DNAH8: variants seen among roughly 807,000 people sequenced by gnomAD.
DNAH8 encodes dynein axonemal heavy chain 8, also known as axonemal beta dynein heavy chain 8.
A neutral mutation model predicts 562.1 loss-of-function variants in DNAH8; 382 were observed. The observed-to-expected ratio is 0.68, with a 90% CI of 0.63 to 0.74. The LOEUF is 0.74. Among genes scored for constraint, DNAH8 ranks in the 30% least tolerant of loss-of-function variants. The pLI is 0.00. For missense variants in DNAH8, 5,203 were observed against 5,620.4 expected, an observed-to-expected ratio of 0.93 and a Z score of 2.37; for synonymous variants, 1,881 against 1,919.4, an observed-to-expected ratio of 0.98 and a Z score of 0.52.
intron 82 of DNAH8, among the ~76,000 whole-genome samples, chr6:38,969,314 A>C (rs894617136): frequency 6.6e-6 from 1 of 152,216 alleles, no homozygotes; most frequent in East Asian, 1.9e-4. Flanking sequence ...TCAGAAATAT[A>C]TATTTATTGA....
intron 58 of DNAH8, among the ~76,000 whole-genome samples, chr6:38,891,284 A>C (rs1583287984): frequency 6.6e-6 from 1 of 152,238 alleles, no homozygotes; most frequent in African/African-American, 2.4e-5. Context: ...AGTAAAGCTC[A>C]GCAAACCTGC....
At chr6:38,716,722 T>C (rs372355212) in intron 1 of DNAH8, 13 of 152,332 alleles carry the variant, frequency 8.5e-5, no homozygotes, top group African/African-American at 2.6e-4. Context: ...TGGCCAGACA[T>C]GCAGAAGACG....
At chr6:38,945,314 CA>C (rs1180863874) in intron 79 of DNAH8, among the ~76,000 whole-genome samples, 152 bp from the exon 80 acceptor site, 3 of 152,096 alleles carry the variant, frequency 2.0e-5, no homozygotes, top group Middle Eastern at 3.4e-3. Context: ...GGAAATGTAC[CA>C]AAAAACCCTC....
rs577029808 is a variant in DNAH8 at position 38,838,670 on chromosome 6, A to T, written c.4466+628A>T. 5.6e-5 allele frequency among the ~76,000 whole-genome samples: 8 copies of T among 144,114 alleles called. No homozygotes were observed. The South Asian group carries it at 1.8e-3, about 32-fold the overall frequency. The allele number at this position is 144,114 out of a possible 152,430, so 94.5% of individuals were successfully genotyped here. ...TGCCTCGGCCTCCCAAAGTGCTGGGATTACAGGCGTGAGCCACCACGCCTG... is the reference window on the plus strand; with the variant it reads ...TGCCTCGGCCTCCCAAAGTGCTGGGTTTACAGGCGTGAGCCACCACGCCTG... On this transcript the variant is annotated intron_variant, in intron 33 of 92. Transcript: ENST00000327475.
At chr6:39,007,437 C>G (rs758184673) in intron 88 of DNAH8, among the ~76,000 whole-genome samples, 38 of 152,176 alleles carry the variant, frequency 2.5e-4, no homozygotes, top group Non-Finnish European at 2.9e-4. Flanking sequence ...TGGTTAACAT[C>G]TGGACAAGAG....
chr6:39,016,248 T>TA (rs1766558771), intron 91 of DNAH8, among the ~76,000 whole-genome samples: 1 of 146,884 alleles, frequency 6.8e-6, no homozygotes, highest in Non-Finnish European at 1.5e-5. Flanking sequence ...AGTAAATGGC[T>TA]TTAAATAAAA....
At chr6:38,837,887 T>C (rs1241542703) in intron 32 of DNAH8, 55 bp from the exon 33 acceptor site, 7 of 1,233,902 alleles carry the variant, frequency 5.7e-6, no homozygotes, top group Non-Finnish European at 8.2e-6. Context: ...TAAATTCCAC[T>C]TTAATTCTAC....
intron 92 of DNAH8, among the ~76,000 whole-genome samples, chr6:39,027,516 A>G (rs1161811538): frequency 6.6e-6 from 1 of 152,232 alleles, no homozygotes; most frequent in Non-Finnish European, 1.5e-5. Flanking sequence ...CAAAATGAGC[A>G]TGATAATTCA....
chr6:38,857,204 T>C (rs1233812986), intron 41 of DNAH8, among the ~76,000 whole-genome samples: 1 of 152,176 alleles, frequency 6.6e-6, no homozygotes, highest in Non-Finnish European at 1.5e-5. Flanking sequence ...TTTGCTTTTC[T>C]TGAGAAAGAA....
intron 11 of DNAH8, chr6:38,764,714 G>C (rs1042644241): frequency 1.3e-5 from 2 of 152,170 alleles, no homozygotes; most frequent in Non-Finnish European, 2.9e-5. Flanking sequence ...GACAGTCTTT[G>C]TTGTGTATGC....
At chr6:38,813,973 C>A in intron 24 of DNAH8, 81 bp from the exon 25 acceptor site, 1 of 992,002 alleles carries the variant, frequency 1.0e-6, no homozygotes, top group Non-Finnish European at 1.6e-6. Context: ...CTTTATTGTT[C>A]GGACTGAATT....
In DNAH8 at chr6:38,931,856, C is replaced by CT; in HGVS notation, c.11323dup (p.Tyr3775LeufsTer16). 1.2e-6 allele frequency: 2 copies of CT among 1,607,942 alleles called. No homozygotes were observed. Among genetic ancestry groups the CT allele is most frequent in the East Asian group, 4.5e-5 (2 of 44,566 alleles). ...ATGTGATATCATGGATACATTTAAA[C>CT]TTTACATTACTACGAAGTTACCAAA... On this transcript the variant is annotated frameshift_variant, in exon 76 of 93. Transcript: ENST00000327475. LOFTEE classifies it high-confidence loss of function.
At chr6:38,722,026 G>C (rs1762792855) in intron 1 of DNAH8, among the ~76,000 whole-genome samples, 1 of 152,178 alleles carries the variant, frequency 6.6e-6, no homozygotes, top group African/African-American at 2.4e-5. Flanking sequence ...GTTTTTGTCT[G>C]TAACTGACAT....
At chr6:38,905,859 A>G (rs1160414122) in intron 62 of DNAH8, among the ~76,000 whole-genome samples, 1 of 152,006 alleles carries the variant, frequency 6.6e-6, no homozygotes, top group Non-Finnish European at 1.5e-5. Flanking sequence ...GGCTATTATT[A>G]TGTTTTGGGA....
intron 57 of DNAH8, among the ~76,000 whole-genome samples, chr6:38,890,120 G>A: frequency 6.6e-6 from 1 of 152,190 alleles, no homozygotes; most frequent in East Asian, 1.9e-4. Flanking sequence ...CCAGGCCAGA[G>A]TGGTGACTGA....
At position 38,946,263 on chromosome 6, in the gene DNAH8, G is replaced by A. The variant is rs2076515; in HGVS notation, c.12129+675G>A. Among the ~76,000 whole-genome samples, 1,615 of 152,244 alleles carry A rather than the reference G, an allele frequency of 0.011. 99 individuals carry two copies. In the East Asian group the frequency reaches 0.15, roughly 15 times the overall value. The stretch of plus-strand genomic sequence containing the variant: ...ATGGCTGCTAGTGACTGACAGATGG[G>A]GCCATAGGTAGACTGCAGGTTGTCA... On this transcript the variant is annotated intron_variant, in intron 80 of 92. Transcript: ENST00000327475.
chr6:38,913,732 A>G, intron 66 of DNAH8, 117 bp from the exon 67 acceptor site: 1 of 593,274 alleles, frequency 1.7e-6, no homozygotes, highest in Non-Finnish European at 2.8e-6. Context: ...TTTGTCTACA[A>G]TTTTGTGTTT....
In DNAH8 at chr6:38,997,882, C is replaced by T. The variant is rs185459424; in HGVS notation, c.13214+7710C>T. Among the ~76,000 whole-genome samples, 178 of 152,260 alleles carry T rather than the reference C, an allele frequency of 1.2e-3. 2 individuals are homozygous for T. The highest frequency in any genetic ancestry group is 2.7e-3 in the Admixed American group (42 of 15,306). Reference sequence around the variant, plus strand: ...AAGCGGTTCTCATGTCTCAGCCTCCCGAATAGCTGGAACTACAGGCATGTG... The same window carrying T: ...AAGCGGTTCTCATGTCTCAGCCTCCTGAATAGCTGGAACTACAGGCATGTG... On this transcript the variant is annotated intron_variant, in intron 88 of 92. Transcript: ENST00000327475.
chr6:38,915,865 C>T (rs1781276342), intron 68 of DNAH8, among the ~76,000 whole-genome samples: 1 of 151,484 alleles, frequency 6.6e-6, no homozygotes, highest in African/African-American at 2.4e-5. Context: ...CACACACACA[C>T]ACATACATAC....
Sources: allele counts gnomAD v4.1 joint callset (sites outside exome capture counted in the v4.1 genomes callset), GRCh38; gene constraint gnomAD v4.1.1; transcripts MANE v1.5; gene names NCBI Gene and HGNC (gene_info 2026-07-23, HGNC 2026-07-21).